Variants in DPF3 observed in about 807,000 individuals in gnomAD.
DPF3 encodes double PHD fingers 3.
Under a neutral mutation model 56.8 loss-of-function variants are expected in DPF3, and 18 were observed. The observed-to-expected ratio is 0.32, with a 90% CI of 0.22 to 0.47. The LOEUF (loss-of-function observed/expected upper bound fraction) is 0.47, where lower values mean the gene tolerates loss of function less well. Among genes scored for constraint, DPF3 ranks in the 20% least tolerant of loss-of-function variants. The probability of loss-of-function intolerance (pLI) is 1.00; values close to 1 mark genes in which losing one functional copy is unlikely to be tolerated. For synonymous variants in DPF3, 188 were observed against 180.2 expected (o/e 1.04, Z -0.35); for missense variants, 403 against 488.8 (o/e 0.82, Z 1.65).
At chr14:72,629,372 T>C (rs1038739821) in intron 9 of DPF3, among the ~76,000 whole-genome samples, 4 of 152,246 alleles carry the variant, frequency 2.6e-5, no homozygotes, top group Non-Finnish European at 5.9e-5. Context: ...GCACTTATTA[T>C]ATTTAACATT....
intron 1 of DPF3, among the ~76,000 whole-genome samples, chr14:72,819,446 C>T (rs963460032): frequency 2.0e-5 from 3 of 151,910 alleles, no homozygotes; most frequent in Non-Finnish European, 4.4e-5. Flanking sequence ...TGGAAACAAC[C>T]CAAATGTCCA....
At chr14:72,731,602 G>T (rs1007325053) in intron 4 of DPF3, 1 of 622,210 alleles carries the variant, frequency 1.6e-6, no homozygotes, top group Non-Finnish European at 2.7e-6. Flanking sequence ...GAAGGGAACC[G>T]AGGTGAAGGC....
intron 6 of DPF3, among the ~76,000 whole-genome samples, chr14:72,703,641 G>A (rs1451677203): frequency 6.6e-6 from 1 of 152,180 alleles, no homozygotes; most frequent in African/African-American, 2.4e-5. Context: ...TTTGCAATGT[G>A]ACCTTGGGCA....
rs1290190692 is a variant in DPF3 at position 72,611,813 on chromosome 14, T to C, written c.*7484A>G. On this transcript the variant is annotated 3_prime_UTR_variant, in exon 11 of 11. Transcript: ENST00000556509. ...CCCCGACCCCTCAGCCTCCACAGGG[T>C]AGAAATCACTGGATGCCTCCACCTG... is the stretch of plus-strand genomic sequence containing the variant. Among the ~76,000 whole-genome samples the C allele has an allele frequency of 6.6e-6, 1 of 151,944 alleles. No homozygotes were observed. The highest frequency in any genetic ancestry group is 1.5e-5 in the Non-Finnish European group (1 of 68,000).
intron 6 of DPF3, among the ~76,000 whole-genome samples, chr14:72,702,551 C>T (rs1025098742): frequency 4.6e-5 from 7 of 152,184 alleles, no homozygotes; most frequent in African/African-American, 1.7e-4. Context: ...CATTTGGACA[C>T]ATATTCACAC....
chr14:72,777,761 A>G (rs2079989), intron 1 of DPF3, among the ~76,000 whole-genome samples: 79,041 of 151,794 alleles, frequency 0.52, 23,240 homozygotes, highest in African/African-American at 0.8. Context: ...TCCTGTTTTT[A>G]TCATGTGACA....
intron 1 of DPF3, among the ~76,000 whole-genome samples, chr14:72,891,313 C>CTTT (rs61587216): frequency 0.31 from 44,021 of 143,898 alleles, 7,476 homozygotes; most frequent in East Asian, 0.55. Flanking sequence ...GTGGTGTTGG[C>CTTT]TTTTTTTTTT....
intron 8 of DPF3, among the ~76,000 whole-genome samples, chr14:72,652,025 G>A (rs942989466): frequency 1.3e-5 from 2 of 152,168 alleles, no homozygotes; most frequent in African/African-American, 4.8e-5. Context: ...TCCTGATCCT[G>A]GGCAAGTTAC....
At chr14:72,854,558 G>C (rs897414438) in intron 1 of DPF3, among the ~76,000 whole-genome samples, 2 of 152,198 alleles carry the variant, frequency 1.3e-5, no homozygotes, top group South Asian at 4.1e-4. Flanking sequence ...ACAGGTTGAA[G>C]TGATAAGCTG....
chr14:72,857,571 A>G (rs974551795), intron 1 of DPF3, among the ~76,000 whole-genome samples: 1 of 151,844 alleles, frequency 6.6e-6, no homozygotes, highest in African/African-American at 2.4e-5. Flanking sequence ...GGAAGTAGGC[A>G]ATGAGTTTTT....
intron 1 of DPF3, among the ~76,000 whole-genome samples, chr14:72,809,495 C>T (rs1201839332): frequency 6.6e-6 from 1 of 152,210 alleles, no homozygotes; most frequent in Non-Finnish European, 1.5e-5. Flanking sequence ...GGCATGATGG[C>T]TCCCCATCCA....
chr14:72,664,599 C>T (rs1048228692), intron 8 of DPF3, among the ~76,000 whole-genome samples: 4 of 151,630 alleles, frequency 2.6e-5, no homozygotes, highest in African/African-American at 9.8e-5. Flanking sequence ...CTTTTCTCTC[C>T]TTTACCCCTC....
chr14:72,761,575 A>G (rs1752524045), intron 2 of DPF3, among the ~76,000 whole-genome samples: 1 of 152,018 alleles, frequency 6.6e-6, no homozygotes, highest in African/African-American at 2.4e-5. Context: ...TTTATGGGGA[A>G]ATTATATCAG....
At chr14:72,636,950 C>A (rs188976147) in intron 8 of DPF3, among the ~76,000 whole-genome samples, 1 of 152,306 alleles carries the variant, frequency 6.6e-6, no homozygotes, top group Admixed American at 6.5e-5. Flanking sequence ...CTTTCTTGGG[C>A]AAAACACCTT....
At chr14:72,682,531 G>A (rs752291456) in intron 7 of DPF3, among the ~76,000 whole-genome samples, 1 of 152,138 alleles carries the variant, frequency 6.6e-6, no homozygotes, top group African/African-American at 2.4e-5. Flanking sequence ...TATTATTATC[G>A]ACATAATTAG....
intron 1 of DPF3, among the ~76,000 whole-genome samples, chr14:72,837,594 T>C (rs1288802629): frequency 6.6e-6 from 1 of 151,914 alleles, no homozygotes; most frequent in Non-Finnish European, 1.5e-5. Context: ...AAAAATTAGC[T>C]GGGCGCAGTG....
At chr14:72,841,964 G>A (rs1884559798) in intron 1 of DPF3, among the ~76,000 whole-genome samples, 2 of 152,018 alleles carry the variant, frequency 1.3e-5, no homozygotes, top group South Asian at 4.2e-4. Flanking sequence ...TGGTACACCT[G>A]TAATCCTAGC....
At position 72,771,820 on chromosome 14, in the gene DPF3, T is replaced by A; in HGVS notation, c.106A>T (p.Ser36Cys). ...SYNSRLCAERSVRLPFLDSQT... is the reference protein window; with the variant it reads ...SYNSRLCAERCVRLPFLDSQT... ...GAGTCCAGGAAGGGAAGACGCACGC[T>A]GCGCTCTGCACACAGCCGTGAGTTG... Residue 36 changes from serine to cysteine, a missense_variant, in exon 2 of 11, where the codon AGC becomes TGC. Ser to Cys is a moderately radical substitution (Grantham distance 112). Transcript: ENST00000556509. 6.2e-7 allele frequency: 1 copy of A among 1,613,846 alleles called. No individual in the cohort carries two copies. The highest frequency in any genetic ancestry group is 8.5e-7 in the Non-Finnish European group (1 of 1,179,818).
chr14:72,636,165 C>T (rs1001173833), intron 8 of DPF3, among the ~76,000 whole-genome samples: 24 of 152,194 alleles, frequency 1.6e-4, no homozygotes, highest in Admixed American at 2.0e-4. Context: ...CCCAAAATAG[C>T]GCCAAAAACA....
Sources: gnomAD v4.1 joint callset for allele counts (sites outside exome capture counted in the v4.1 genomes callset) on GRCh38, gnomAD v4.1.1 for gene constraint, MANE v1.5 for transcripts, NCBI Gene and HGNC (gene_info 2026-07-23, HGNC 2026-07-21) for gene names.